Variants in KCNH6 observed in about 807,000 individuals in gnomAD.
The protein encoded by KCNH6 is voltage-gated inwardly rectifying potassium channel KCNH6.
A neutral mutation model predicts 83.4 loss-of-function variants in KCNH6; 81 were observed. The observed-to-expected ratio is 0.97, with a 90% confidence interval of 0.81 to 1.17. The LOEUF (loss-of-function observed/expected upper bound fraction) is 1.17. Ranked by LOEUF, KCNH6 falls within the 50% of genes most tolerant of loss-of-function variation. The pLI, the probability that KCNH6 is intolerant of heterozygous loss-of-function variation, is 0.00. For synonymous variants in KCNH6, 503 were observed against 545.6 expected (o/e 0.92, Z 1.09); for missense variants, 1,203 against 1,290.5 (o/e 0.93, Z 1.04).
chr17:63,533,671 A>G lies in KCNH6; in HGVS notation c.676-215A>G, dbSNP rs1295227194. On this transcript the variant is annotated intron_variant, in intron 4 of 12. Coordinates refer to ENST00000314672, the MANE Select transcript of KCNH6 (RefSeq NM_001278919.2). The surrounding 1 kb of genome is among the most constrained non-coding windows in gnomAD (Gnocchi z 4.1). The stretch of plus-strand genomic sequence containing the variant: ...GCCATACCCCTCCTCTTGCATCCCA[A>G]CTCCTTTCTCTGCACTTCCTCTCGA... 1.3e-5 allele frequency among the ~76,000 whole-genome samples: 2 copies of G among 151,130 alleles called. No individual in the cohort carries two copies. Among genetic ancestry groups the G allele is most frequent in the African/African-American group, 2.4e-5 (1 of 41,046 alleles).
In KCNH6 at chr17:63,544,131, C is replaced by T. The variant is rs201973878; in HGVS notation, c.2234-118C>T. The T allele has an allele frequency of 5.4e-5, 86 of 1,602,314 alleles. 1 individual carries two copies. In the Admixed American group the frequency reaches 6.2e-4, roughly 12 times the overall value. On this transcript the variant is annotated intron_variant, in intron 10 of 12. Transcript: ENST00000314672. Reference sequence around the variant, plus strand: ...TCCAGGGCACCCAGGTAAGGAGAGCCACTCCTCACACCCTGTGTCCCCAGG... The same window carrying T: ...TCCAGGGCACCCAGGTAAGGAGAGCTACTCCTCACACCCTGTGTCCCCAGG...
rs952755876 is a variant in KCNH6, at chr17:63,538,166, T to C, written c.1603T>C (p.Phe535Leu). 1 of 1,613,708 alleles carries C rather than the reference T, an allele frequency of 6.2e-7. No homozygotes were observed. The highest frequency in any genetic ancestry group is 8.5e-7 in the Non-Finnish European group (1 of 1,179,854). The change falls in exon 7 of 13, where the codon TTC becomes CTC. Residue 535 changes from phenylalanine to leucine, a missense_variant. Coordinates refer to ENST00000314672, the MANE Select transcript of KCNH6 (RefSeq NM_001278919.2). The surrounding 1 kb of genome is among the most constrained non-coding windows in gnomAD (Gnocchi z 4.0). ...CACGCAGATGCTGCGTGTCAAGGAG[T>C]TCATCCGCTTCCACCAGATCCCCAA... is the stretch of plus-strand genomic sequence containing the variant. The part of the protein sequence containing the change: ...YHTQMLRVKE[F>L]IRFHQIPNPL...
At position 63,538,388 on chromosome 17, in the gene KCNH6, G is replaced by C; in HGVS notation, c.1702-22G>C. 2 of 1,589,974 alleles carry C rather than the reference G, an allele frequency of 1.3e-6. No individual in the cohort carries two copies. The highest frequency in any genetic ancestry group is 1.7e-6 in the Non-Finnish European group (2 of 1,169,706). On this transcript the variant is annotated intron_variant, in intron 7 of 12. Coordinates refer to ENST00000314672, the MANE Select transcript of KCNH6 (RefSeq NM_001278919.2). The surrounding 1 kb of genome is among the most constrained non-coding windows in gnomAD (Gnocchi z 4.0). Reference sequence around the variant, plus strand: ...GCCCCACCCCGGCCGCGTCCCGCTGGACTTGGCCGCCCGCCTTGCAGGTGC... The same window carrying C: ...GCCCCACCCCGGCCGCGTCCCGCTGCACTTGGCCGCCCGCCTTGCAGGTGC...
At chr17:63,545,475 G>C in intron 12 of KCNH6, 134 bp from the exon 13 acceptor site, 2 of 1,033,710 alleles carry the variant, frequency 1.9e-6, no homozygotes, top group Non-Finnish European at 2.8e-6. Context: ...AGAGCCTGCA[G>C]CTGGGGCCAG....
In KCNH6 at chr17:63,545,981, C is replaced by A; in HGVS notation, c.*79C>A. On this transcript the variant is annotated 3_prime_UTR_variant, in exon 13 of 13. Transcript: ENST00000314672. ...AGGATCTTGGGGAGGTGGCCGGGTG[C>A]AGTGGCTCGCCTGTAATCCCAGCAC... The A allele has an allele frequency of 7.3e-7, 1 of 1,376,472 alleles. No homozygotes were observed. 85.3% of individuals were successfully genotyped at this position (1,376,472 alleles called of 1,614,324 possible).
At chr17:63,528,385 G>C (rs1047891576) in intron 2 of KCNH6, among the ~76,000 whole-genome samples, 1 of 152,118 alleles carries the variant, frequency 6.6e-6, no homozygotes, top group South Asian at 2.1e-4. Flanking sequence ...GCTGCCTGGT[G>C]CCTGGGAGTC....
chr17:63,529,276 G>C (rs1277287731), intron 2 of KCNH6, among the ~76,000 whole-genome samples: 1 of 152,142 alleles, frequency 6.6e-6, no homozygotes, highest in Non-Finnish European at 1.5e-5. Context: ...GGGGAAGGTG[G>C]CCAGAGGGGC....
chr17:63,529,407 C>A (rs2031931816), intron 2 of KCNH6, among the ~76,000 whole-genome samples: 1 of 152,224 alleles, frequency 6.6e-6, no homozygotes, highest in Non-Finnish European at 1.5e-5. Context: ...AGAGCAGCAG[C>A]CTGGTTCTGG....
In KCNH6 at chr17:63,534,394, T is replaced by C; in HGVS notation, c.1101+83T>C. The stretch of plus-strand genomic sequence containing the variant: ...GCCCTCCCTGCTGCACAGCACTGGG[T>C]GCGGAGAGTATCTGGCACTGGGCAC... On this transcript the variant is annotated intron_variant, in intron 5 of 12. Coordinates refer to ENST00000314672, the MANE Select transcript of KCNH6 (RefSeq NM_001278919.2). This position sits in a 1 kb window ranked among gnomAD's most constrained non-coding sequence, Gnocchi z 5.0. 3 of 1,368,492 alleles carry C rather than the reference T, an allele frequency of 2.2e-6. No individual in the cohort carries two copies. The highest frequency in any genetic ancestry group is 3.0e-6 in the Non-Finnish European group (3 of 1,001,296). The allele number at this position is 1,368,492 out of a possible 1,614,324, so 84.8% of individuals were successfully genotyped here.
rs2032264724 is a variant in KCNH6 at position 63,533,609 on chromosome 17, C to CT, written c.676-275dup. 6.6e-6 allele frequency among the ~76,000 whole-genome samples: 1 copy of CT among 152,108 alleles called. No homozygotes were observed. The highest frequency in any genetic ancestry group is 2.1e-4 in the South Asian group (1 of 4,826). ...CCACTCCAGGATGTTTCCAAGGGAG[C>CT]TTGTGAGCATCAAACCTGGTGTCGC... On this transcript the variant is annotated intron_variant, in intron 4 of 12. Coordinates refer to ENST00000314672, the MANE Select transcript of KCNH6 (RefSeq NM_001278919.2). This position sits in a 1 kb window ranked among gnomAD's most constrained non-coding sequence, Gnocchi z 4.1.
In KCNH6 at chr17:63,535,083, G is replaced by A. The variant is rs569323270; in HGVS notation, c.1102-586G>A. 6.6e-6 allele frequency among the ~76,000 whole-genome samples: 1 copy of A among 152,078 alleles called. No homozygotes were observed. The highest frequency in any genetic ancestry group is 2.4e-5 in the African/African-American group (1 of 41,386). On this transcript the variant is annotated intron_variant, in intron 5 of 12. Coordinates refer to ENST00000314672, the MANE Select transcript of KCNH6 (RefSeq NM_001278919.2). This position sits in a 1 kb window ranked among gnomAD's most constrained non-coding sequence, Gnocchi z 4.9. Reference sequence around the variant, plus strand: ...ACCTGACCCTGTGTTCCACCCTCTGGGGTGTACAGGGTCCTCAGAATTTTC... The same window carrying A: ...ACCTGACCCTGTGTTCCACCCTCTGAGGTGTACAGGGTCCTCAGAATTTTC...
chr17:63,523,558 C>T lies in KCNH6; in HGVS notation c.76+69C>T. On this transcript the variant is annotated intron_variant, in intron 1 of 12. Transcript: ENST00000314672. The surrounding 1 kb of genome is among the most constrained non-coding windows in gnomAD (Gnocchi z 4.2). ...GGTTCCGTGAAAGGGGGGGCTGGAC[C>T]CCTTTACTAACTTCTAACCGGGCAA... 1 of 1,437,798 alleles carries T rather than the reference C, an allele frequency of 7.0e-7. No homozygotes were observed. Among genetic ancestry groups the T allele is most frequent in the Non-Finnish European group, 9.5e-7 (1 of 1,048,262 alleles). The allele number at this position is 1,437,798 out of a possible 1,614,324, so 89.1% of individuals were successfully genotyped here. A position where few individuals can be genotyped will look rare whatever the true frequency, so the allele number is the denominator to read the frequency against.
In KCNH6 at chr17:63,533,640, G is replaced by A. The variant is rs1451397164; in HGVS notation, c.676-246G>A. ...AGCATCAAACCTGGTGTCGCTATGG[G>A]GCGGAGCCATACCCCTCCTCTTGCA... On this transcript the variant is annotated intron_variant, in intron 4 of 12. Transcript: ENST00000314672. The surrounding 1 kb of genome is among the most constrained non-coding windows in gnomAD (Gnocchi z 4.1). 6.6e-6 allele frequency among the ~76,000 whole-genome samples: 1 copy of A among 152,050 alleles called. No individual in the cohort carries two copies. The highest frequency in any genetic ancestry group is 2.4e-5 in the African/African-American group (1 of 41,386).
chr17:63,535,916 G>A lies in KCNH6; in HGVS notation c.1349G>A (p.Gly450Asp). Reference sequence around the variant, plus strand: ...GTGCAGCTTGGCAAGCGCTACAACGGCAGCGACCCAGCCTCGGGCCCCTCG... The same window carrying A: ...GTGCAGCTTGGCAAGCGCTACAACGACAGCGACCCAGCCTCGGGCCCCTCG... ...LGVQLGKRYN[G>D]SDPASGPSVQ... The change falls in exon 6 of 13, where the codon GGC becomes GAC. Residue 450 changes from glycine (G) to aspartate (D), a missense_variant. Coordinates refer to ENST00000314672, the MANE Select transcript of KCNH6 (RefSeq NM_001278919.2). This position sits in a 1 kb window ranked among gnomAD's most constrained non-coding sequence, Gnocchi z 4.9. 1 of 1,614,058 alleles carries A rather than the reference G, an allele frequency of 6.2e-7. No homozygotes were observed. The highest frequency in any genetic ancestry group is 8.5e-7 in the Non-Finnish European group (1 of 1,180,058).
intron 8 of KCNH6, 79 bp from the exon 9 acceptor site, chr17:63,542,162 G>T: frequency 6.8e-7 from 1 of 1,465,760 alleles, no homozygotes; most frequent in East Asian, 2.3e-5. Context: ...CCGAGGTTGG[G>T]GGAGGTCACG....
chr17:63,529,753 C>T (rs1597978348), intron 2 of KCNH6, among the ~76,000 whole-genome samples: 1 of 152,158 alleles, frequency 6.6e-6, no homozygotes, highest in African/African-American at 2.4e-5. Context: ...CCTCACCTCC[C>T]CACTTAATCC....
At chr17:63,542,491 C>T in intron 9 of KCNH6, 57 bp downstream of exon 9, 1 of 1,467,882 alleles carries the variant, frequency 6.8e-7, no homozygotes, top group Non-Finnish European at 9.5e-7. Flanking sequence ...GCCTGCCTGG[C>T]CTGAGGGCAC....
At position 63,538,112 on chromosome 17, in the gene KCNH6, C is replaced by A. The variant is rs550764064; in HGVS notation, c.1549C>A (p.Arg517Ser). 6.8e-6 allele frequency: 11 copies of A among 1,614,068 alleles called. No homozygotes were observed. In the African/African-American group the frequency reaches 1.3e-4, roughly 20 times the overall value. ...CGGGAACGTGTCCGCGATCATCCAG[C>A]GCCTGTACTCGGGCACCGCGCGCTA... ...IFGNVSAIIQ[R>S]LYSGTARYHT... The change falls in exon 7 of 13, where the codon CGC becomes AGC. Residue 517 changes from arginine to serine, a missense_variant. Coordinates refer to ENST00000314672, the MANE Select transcript of KCNH6 (RefSeq NM_001278919.2). The surrounding 1 kb of genome is among the most constrained non-coding windows in gnomAD (Gnocchi z 4.0).
rs758057600 is a variant in KCNH6, at chr17:63,534,045, G to A, written c.835G>A (p.Ala279Thr). ...YTAVFTPYSA[A>T]FLLSDQDESR... The stretch of plus-strand genomic sequence containing the variant: ...GGCTGTCTTCACGCCCTACTCAGCC[G>A]CCTTCCTGCTCAGCGATCAGGACGA... The change falls in exon 5 of 13, where the codon GCC (alanine) becomes ACC (threonine). Residue 279 changes from alanine (A) to threonine (T), a missense_variant. Ala to Thr is a moderately conservative substitution (Grantham distance 58). Coordinates refer to ENST00000314672, the MANE Select transcript of KCNH6 (RefSeq NM_001278919.2). This position sits in a 1 kb window ranked among gnomAD's most constrained non-coding sequence, Gnocchi z 5.0. 1.5e-5 allele frequency: 24 copies of A among 1,614,040 alleles called. No homozygotes were observed. The highest frequency in any genetic ancestry group is 1.2e-4 in the Admixed American group (7 of 60,000).
Sources: gnomAD v4.1 joint callset for allele counts (sites outside exome capture counted in the v4.1 genomes callset) on GRCh38, gnomAD v4.1.1 for gene constraint, Gnocchi (gnomAD v3.1) non-coding constraint, MANE v1.5 for transcripts, NCBI Gene and HGNC (gene_info 2026-07-23, HGNC 2026-07-21) for gene names.